PAX5: variants seen among roughly 807,000 people sequenced by gnomAD.
PAX5 encodes the protein paired box protein Pax-5.
A neutral mutation model predicts 43.7 loss-of-function variants in PAX5; 9 were observed. The observed-to-expected ratio is 0.21, with a 90% CI of 0.12 to 0.36. The LOEUF (loss-of-function observed/expected upper bound fraction) is 0.36, where lower values mean the gene tolerates loss of function less well. Among genes scored for constraint, PAX5 ranks in the 10% least tolerant of loss-of-function variants. The pLI, the probability that PAX5 is intolerant of heterozygous loss-of-function variation, is 1.00. For missense variants in PAX5, 383 were observed against 532.7 expected (o/e 0.72, Z 2.77); for synonymous variants, 228 against 214.3 (o/e 1.06, Z -0.56).
Position 36,890,864 on chromosome 9 carries a change from C to T in PAX5, c.911-8759G>A, listed in dbSNP as rs553332073. ...AATAAAATCTTCATTTTAGGCTGGG[C>T]GCAGTGGCTCACACTTGTAATCCCA... On this transcript the variant is annotated intron_variant, in intron 7 of 9. Transcript: ENST00000358127. 5.9e-5 allele frequency among the ~76,000 whole-genome samples: 9 copies of T among 152,224 alleles called. No homozygotes were observed. In the East Asian group the frequency reaches 9.7e-4, roughly 16 times the overall value.
At chr9:36,966,505 G>T in intron 6 of PAX5, 44 bp downstream of exon 6, 2 of 1,588,424 alleles carry the variant, frequency 1.3e-6, no homozygotes, top group Non-Finnish European at 1.7e-6. Context: ...GGCTGGGCCG[G>T]TGTGGCGGTG....
intron 6 of PAX5, 85 bp downstream of exon 6, chr9:36,966,464 C>G: frequency 6.8e-7 from 1 of 1,469,250 alleles, no homozygotes; most frequent in Non-Finnish European, 9.3e-7. Context: ...CTCACCCACA[C>G]CCCGCCAGAT....
chr9:37,021,374 C>A (rs577656934), intron 1 of PAX5, among the ~76,000 whole-genome samples: 2 of 152,234 alleles, frequency 1.3e-5, no homozygotes, highest in East Asian at 3.9e-4. Flanking sequence ...CAACCATTGC[C>A]TTGTTTAAAA....
chr9:37,011,110 G>T (rs1452743213), intron 3 of PAX5, among the ~76,000 whole-genome samples: 15 of 140,438 alleles, frequency 1.1e-4, no homozygotes, highest in Admixed American at 3.0e-4. Context: ...GACAGAGTGA[G>T]ACCCTGTCTC....
intron 7 of PAX5, among the ~76,000 whole-genome samples, chr9:36,891,012 G>A (rs1407814055): frequency 6.6e-6 from 1 of 152,096 alleles, no homozygotes; most frequent in Non-Finnish European, 1.5e-5. Context: ...GGTGGTGCAC[G>A]CCTGTAGTCC....
intron 6 of PAX5, among the ~76,000 whole-genome samples, chr9:36,955,105 T>C (rs938856101): frequency 2.6e-5 from 4 of 152,184 alleles, no homozygotes; most frequent in Non-Finnish European, 5.9e-5. Flanking sequence ...TGTCATGGCA[T>C]TTTATTCTTT....
intron 5 of PAX5, among the ~76,000 whole-genome samples, chr9:36,984,653 A>T (rs886870725): frequency 2.6e-5 from 4 of 151,652 alleles, no homozygotes; most frequent in African/African-American, 9.7e-5. Flanking sequence ...TAGGGGTTTC[A>T]TCATGTTGGC....
chr9:36,900,915 C>A (rs1030135875), intron 7 of PAX5, among the ~76,000 whole-genome samples: 3 of 82,714 alleles, frequency 3.6e-5, no homozygotes, highest in African/African-American at 1.3e-4. Context: ...TCTCCCGGGT[C>A]CCCCAGACTC....
chr9:36,881,873 G>T, intron 8 of PAX5, 131 bp downstream of exon 8: 1 of 735,962 alleles, frequency 1.4e-6, no homozygotes, highest in Non-Finnish European at 2.3e-6. Flanking sequence ...AGAGAGTGCA[G>T]ACCTCTGCCT....
intron 7 of PAX5, 52 bp downstream of exon 7, chr9:36,923,303 C>T (rs1563970920): frequency 3.8e-6 from 6 of 1,578,074 alleles, no homozygotes; most frequent in Non-Finnish European, 5.2e-6. Context: ...ACCACACACT[C>T]CTATCTCTCT....
In PAX5 at chr9:36,853,531, A is replaced by G. The variant is rs75520891; in HGVS notation, c.1013-6602T>C. 1.6e-3 allele frequency among the ~76,000 whole-genome samples: 242 copies of G among 152,320 alleles called. 4 individuals carry two copies. In the East Asian group the frequency reaches 0.024, roughly 15 times the overall value. On this transcript the variant is annotated intron_variant, in intron 8 of 9. Coordinates refer to ENST00000358127, the MANE Select transcript of PAX5 (RefSeq NM_016734.3). ...GAAAGAGCCCCTGACCTGCAAATTC[A>G]AAGTTTCTCCAAAGCCATTACACAG...
chr9:36,854,957 G>A (rs542840004), intron 8 of PAX5, among the ~76,000 whole-genome samples: 297 of 152,366 alleles, frequency 1.9e-3, no homozygotes, highest in Non-Finnish European at 3.5e-3. Context: ...CTGGCGTGGA[G>A]GCCAGGACTC....
intron 7 of PAX5, among the ~76,000 whole-genome samples, chr9:36,888,153 G>A (rs1054022954): frequency 3.9e-5 from 6 of 152,312 alleles, no homozygotes; most frequent in Middle Eastern, 3.4e-3. Context: ...GGGGAAAATC[G>A]GAACCCTCAA....
intron 9 of PAX5, among the ~76,000 whole-genome samples, chr9:36,845,700 T>G (rs552875708): frequency 1.3e-5 from 2 of 152,340 alleles, no homozygotes; most frequent in South Asian, 4.1e-4. Flanking sequence ...GTTTCCATAC[T>G]GTGTGTCTGT....
rs781448749 is a variant in PAX5 at position 36,835,650 on chromosome 9, C to T, written c.*4910G>A. On this transcript the variant is annotated 3_prime_UTR_variant, in exon 10 of 10. Transcript: ENST00000358127. ...AACTTTCCAATAATGCATTTTATTA[C>T]CTTTTAAGAAATGTACTTGCCTCGG... 1 of 233,274 alleles carries T rather than the reference C, an allele frequency of 4.3e-6. No homozygotes were observed. Among genetic ancestry groups the T allele is most frequent in the Non-Finnish European group, 8.5e-6 (1 of 118,020 alleles). The allele number at this position is 233,274 out of a possible 1,614,324, so 14.5% of individuals were successfully genotyped here.
At chr9:36,897,248 G>A (rs1827944925) in intron 7 of PAX5, among the ~76,000 whole-genome samples, 2 of 152,182 alleles carry the variant, frequency 1.3e-5, no homozygotes, top group African/African-American at 4.8e-5. Context: ...GCTTAGCAGA[G>A]GACATGCGAC....
chr9:36,899,314 G>A (rs1483755480), intron 7 of PAX5, among the ~76,000 whole-genome samples: 2 of 152,198 alleles, frequency 1.3e-5, no homozygotes, highest in Non-Finnish European at 1.5e-5. Flanking sequence ...CAGACTGCTG[G>A]GACAGCTGTC....
chr9:36,894,769 C>T (rs986850054), intron 7 of PAX5, among the ~76,000 whole-genome samples: 5 of 152,250 alleles, frequency 3.3e-5, no homozygotes, highest in African/African-American at 9.6e-5. Context: ...CAGCCACCCT[C>T]GGGCCATCCC....
chr9:37,008,111 G>C (rs1013499923), intron 3 of PAX5: 1 of 152,256 alleles, frequency 6.6e-6, no homozygotes, highest in Non-Finnish European at 1.5e-5. Flanking sequence ...CCAGGCTGGA[G>C]TGTAGTGGCA....
Sources: allele counts gnomAD v4.1 joint callset (sites outside exome capture counted in the v4.1 genomes callset), GRCh38; gene constraint gnomAD v4.1.1; transcripts MANE v1.5; gene names NCBI Gene and HGNC (gene_info 2026-07-23, HGNC 2026-07-21).